The following SHISA9 variants were observed in gnomAD, a reference collection of about 807,000 sequenced individuals.
SHISA9 encodes the protein protein shisa-9.
SHISA9 carries 13 observed loss-of-function variants against 38.0 expected under a neutral mutation model. That is an observed-to-expected ratio of 0.34 (90% CI 0.22 to 0.54). The LOEUF (loss-of-function observed/expected upper bound fraction) is 0.54, where lower values mean the gene tolerates loss of function less well. Ranked by LOEUF, SHISA9 falls within the 20% of genes least tolerant of loss-of-function variation. The pLI is 0.91. For synonymous variants in SHISA9, 275 were observed against 242.0 expected, an observed-to-expected ratio of 1.14 and a Z score of -1.27; for missense variants, 538 against 575.8, an observed-to-expected ratio of 0.93 and a Z score of 0.67.
chr16:13,325,318 C>T, the SHISA9 span, among the ~76,000 whole-genome samples: 2 of 152,182 alleles, frequency 1.3e-5, no homozygotes, highest in African/African-American at 4.8e-5. Context: ...CTACAAGCAG[C>T]TTGTTTTGTC....
At chr16:12,956,578 A>G (rs989967100) in intron 2 of SHISA9, among the ~76,000 whole-genome samples, 2 of 152,176 alleles carry the variant, frequency 1.3e-5, no homozygotes, top group African/African-American at 4.8e-5. Context: ...TTGCAGCAAC[A>G]TGTATGCAGC....
chr16:13,148,739 A>G (rs1370087450), intron 2 of SHISA9, among the ~76,000 whole-genome samples: 1 of 151,294 alleles, frequency 6.6e-6, no homozygotes, highest in Non-Finnish European at 1.5e-5. Context: ...TACCCTGCAT[A>G]TAGACCATAC....
downstream of SHISA9, among the ~76,000 whole-genome samples, chr16:13,243,025 G>A (rs943664330): frequency 6.6e-6 from 1 of 152,082 alleles, no homozygotes; most frequent in Non-Finnish European, 1.5e-5. Context: ...CAGATCACGA[G>A]GTCAGGAGTT....
rs142157243 is a variant in SHISA9, at chr16:13,187,252, C to T, written c.692-16142C>T. On this transcript the variant is annotated intron_variant, in intron 2 of 4. Transcript: ENST00000558583. ...TGCATGACCCATTCTGTCTTCACAG[C>T]CTCACTATCTGAAAACTTCTCAGGA... 7.2e-5 allele frequency among the ~76,000 whole-genome samples: 11 copies of T among 152,114 alleles called. 1 individual carries two copies. Among genetic ancestry groups the T allele is most frequent in the African/African-American group, 2.7e-4 (11 of 41,488 alleles).
intron 2 of SHISA9, among the ~76,000 whole-genome samples, chr16:13,200,440 A>ACACACACACACAGCAG (rs201359350): frequency 9.3e-5 from 14 of 150,144 alleles, no homozygotes; most frequent in African/African-American, 3.2e-4. Flanking sequence ...ACACACACAC[A>ACACACACACACAGCAG]CAGCAGCAGC....
intron 2 of SHISA9, among the ~76,000 whole-genome samples, chr16:13,071,389 C>T (rs761546171): frequency 6.6e-6 from 1 of 152,100 alleles, no homozygotes; most frequent in Non-Finnish European, 1.5e-5. Flanking sequence ...GGAATCCTTC[C>T]AACAATTCCT....
At chr16:13,374,615 G>A in the SHISA9 span, among the ~76,000 whole-genome samples, 2 of 152,244 alleles carry the variant, frequency 1.3e-5, no homozygotes, top group Admixed American at 1.3e-4. Flanking sequence ...GAATAGTGCT[G>A]CAATAAACAT....
intron 2 of SHISA9, among the ~76,000 whole-genome samples, chr16:13,026,539 G>A (rs2072924270): frequency 6.6e-6 from 1 of 152,174 alleles, no homozygotes; most frequent in Non-Finnish European, 1.5e-5. Context: ...AATGGACATG[G>A]GAGTGCAGAT....
At chr16:13,267,391 A>T in the SHISA9 span, among the ~76,000 whole-genome samples, 1 of 152,182 alleles carries the variant, frequency 6.6e-6, no homozygotes, top group African/African-American at 2.4e-5. Flanking sequence ...AAATGAGACT[A>T]CCCAAACTGA....
intron 2 of SHISA9, among the ~76,000 whole-genome samples, chr16:13,088,351 A>C (rs1433787877): frequency 6.6e-6 from 1 of 152,194 alleles, no homozygotes; most frequent in Non-Finnish European, 1.5e-5. Flanking sequence ...TTCTGTGAAG[A>C]AAGTCATTGG....
At chr16:13,401,315 G>A in the SHISA9 span, among the ~76,000 whole-genome samples, 3 of 152,264 alleles carry the variant, frequency 2.0e-5, 1 homozygote, top group Non-Finnish European at 1.5e-5. Context: ...ACACATCCAG[G>A]CACACTGGAG....
chr16:13,286,949 G>A, the SHISA9 span, among the ~76,000 whole-genome samples: 1 of 152,042 alleles, frequency 6.6e-6, no homozygotes, highest in Non-Finnish European at 1.5e-5. Context: ...TGGCCACCAG[G>A]CAAATGGAGT....
At chr16:13,457,228 C>T in the SHISA9 span, among the ~76,000 whole-genome samples, 2 of 152,192 alleles carry the variant, frequency 1.3e-5, no homozygotes, top group South Asian at 4.1e-4. Context: ...GTCGTTTGAA[C>T]CCGGGAGGCA....
chr16:13,503,824 A>G, the SHISA9 span, among the ~76,000 whole-genome samples: 2 of 152,236 alleles, frequency 1.3e-5, no homozygotes, highest in African/African-American at 2.4e-5. Flanking sequence ...TAAAACTACT[A>G]TGGGAATAAT....
intron 3 of SHISA9, among the ~76,000 whole-genome samples, chr16:13,204,597 C>A (rs1015391542): frequency 6.6e-6 from 1 of 152,206 alleles, no homozygotes; most frequent in Non-Finnish European, 1.5e-5. Context: ...AAACAATGCA[C>A]GTTCCTATCC....
intron 2 of SHISA9, among the ~76,000 whole-genome samples, chr16:13,068,547 G>A (rs1483205207): frequency 6.6e-6 from 1 of 152,206 alleles, no homozygotes; most frequent in East Asian, 1.9e-4. Context: ...ATGGAGAGAG[G>A]ATGGGTTGTC....
intron 2 of SHISA9, among the ~76,000 whole-genome samples, chr16:13,120,766 G>A (rs568581685): frequency 6.6e-6 from 1 of 152,292 alleles, no homozygotes; most frequent in East Asian, 1.9e-4. Context: ...TAACAATACT[G>A]TTAGCGAGGG....
At chr16:13,170,922 G>A (rs1437334905) in intron 2 of SHISA9, among the ~76,000 whole-genome samples, 2 of 152,156 alleles carry the variant, frequency 1.3e-5, no homozygotes, top group African/African-American at 4.8e-5. Flanking sequence ...CTCCCAAAGT[G>A]CTGGGATTAC....
intron 2 of SHISA9, among the ~76,000 whole-genome samples, chr16:13,122,366 C>T (rs1042401152): frequency 2.0e-5 from 3 of 152,150 alleles, no homozygotes; most frequent in East Asian, 1.9e-4. Context: ...AAGCAGTTAT[C>T]TTCAGAGGGA....
Sources: gnomAD v4.1 joint callset for allele counts (sites outside exome capture counted in the v4.1 genomes callset) on GRCh38, gnomAD v4.1.1 for gene constraint, MANE v1.5 for transcripts, NCBI Gene and HGNC (gene_info 2026-07-23, HGNC 2026-07-21) for gene names.